The following ATP6V0D2 variants were observed in gnomAD, a reference collection of about 807,000 sequenced individuals.
ATP6V0D2 encodes the protein ATPase H+ transporting V0 subunit d2.
In ATP6V0D2, 40 loss-of-function variants were observed where a neutral mutation model predicts 40.0. That is an observed-to-expected ratio of 1.00 (90% CI 0.78 to 1.30). The LOEUF (loss-of-function observed/expected upper bound fraction) is 1.30. ATP6V0D2 is among the 50% of genes most tolerant of loss of function. ATP6V0D2 has a pLI of 0.00. For synonymous variants in ATP6V0D2, 179 were observed against 156.3 expected, an observed-to-expected ratio of 1.15 and a Z score of -1.08; for missense variants, 470 against 423.1, an observed-to-expected ratio of 1.11 and a Z score of -0.97.
chr8:86,152,765 A>G (rs1819174642), intron 7 of ATP6V0D2, 51 bp from the exon 8 acceptor site: 2 of 1,532,288 alleles, frequency 1.3e-6, no homozygotes, highest in African/African-American at 1.4e-5. Context: ...ATATTATTCC[A>G]TAATGTTCCA....
In ATP6V0D2 at chr8:86,101,364, G is replaced by A. The variant is rs537535747; in HGVS notation, c.130+2256G>A. On this transcript the variant is annotated intron_variant, in intron 1 of 7. Coordinates refer to ENST00000285393, the MANE Select transcript of ATP6V0D2 (RefSeq NM_152565.1). ...AGTCCCAGCTGCTTGGGAGGCTGTG[G>A]CAGGAGGATGGCTTGAGCCCAAAAG... 5.3e-5 allele frequency among the ~76,000 whole-genome samples: 8 copies of A among 150,702 alleles called. 1 individual carries two copies. The South Asian group carries it at 1.5e-3, about 28-fold the overall frequency.
At chr8:86,142,123 T>C (rs1318203876) in intron 4 of ATP6V0D2, among the ~76,000 whole-genome samples, 2 of 152,224 alleles carry the variant, frequency 1.3e-5, no homozygotes, top group African/African-American at 2.4e-5. Flanking sequence ...ATAGCCTCTT[T>C]GGACACTCAC....
At chr8:86,133,576 C>T (rs1818857373) in intron 2 of ATP6V0D2, among the ~76,000 whole-genome samples, 1 of 151,910 alleles carries the variant, frequency 6.6e-6, no homozygotes, top group African/African-American at 2.4e-5. Context: ...CCACCTCAGC[C>T]TCCCAAAGTG....
In ATP6V0D2 at chr8:86,119,058, A is replaced by G. The variant is rs1586090626; in HGVS notation, c.302+5178A>G. Among the ~76,000 whole-genome samples the G allele has an allele frequency of 2.0e-5, 3 of 152,218 alleles. No homozygotes were observed. The East Asian group carries it at 5.8e-4, about 29-fold the overall frequency. On this transcript the variant is annotated intron_variant, in intron 2 of 7. Transcript: ENST00000285393. ...CAGAGGGCAGCCCAATTTTATCTGA[A>G]TCAGAAAGCTGCCAGGGTTTGTACT...
chr8:86,115,414 G>C (rs1282407153), intron 2 of ATP6V0D2, among the ~76,000 whole-genome samples: 1 of 130,528 alleles, frequency 7.7e-6, no homozygotes, highest in Admixed American at 8.9e-5. Flanking sequence ...TGTCGCTCAG[G>C]CTGGAGTACA....
chr8:86,150,290 T>C lies in ATP6V0D2; in HGVS notation c.816+2T>C, dbSNP rs201137788. 84 of 1,611,198 alleles carry C rather than the reference T, an allele frequency of 5.2e-5. No individual in the cohort carries two copies. The highest frequency in any genetic ancestry group is 1.3e-5 in the African/African-American group (1 of 74,494). On this transcript the variant is annotated splice_donor_variant, in intron 6 of 7. Coordinates refer to ENST00000285393, the MANE Select transcript of ATP6V0D2 (RefSeq NM_152565.1). LOFTEE classifies it high-confidence loss of function. ...AAGAACGTAGCGGATCATTACGGAGTATGTGATGACACTGGCTTCCCTAAG... is the reference window on the plus strand; with the variant it reads ...AAGAACGTAGCGGATCATTACGGAGCATGTGATGACACTGGCTTCCCTAAG...
Position 86,118,085 on chromosome 8 carries a change from CTTT to C in ATP6V0D2, c.302+4221_302+4223del, listed in dbSNP as rs1222811419. Among the ~76,000 whole-genome samples, 41 of 27,622 alleles carry C rather than the reference CTTT, an allele frequency of 1.5e-3. 1 individual carries two copies. The highest frequency in any genetic ancestry group is 3.1e-3 in the African/African-American group (40 of 12,850). The allele number at this position is 27,622 out of a possible 152,430, so 18.1% of individuals were successfully genotyped here. ...TCCTTCCTTCCTTCTTTCTTTCTTT[CTTT>C]TTTTTTTTTTTTTTTGACGGAGTTT... is the stretch of plus-strand genomic sequence containing the variant. On this transcript the variant is annotated intron_variant, in intron 2 of 7. Coordinates refer to ENST00000285393, the MANE Select transcript of ATP6V0D2 (RefSeq NM_152565.1).
chr8:86,142,473 C>A (rs1450693897), intron 4 of ATP6V0D2, among the ~76,000 whole-genome samples: 1 of 152,180 alleles, frequency 6.6e-6, no homozygotes, highest in Non-Finnish European at 1.5e-5. Flanking sequence ...TCCCATATAG[C>A]TCCATGCTCA....
chr8:86,111,247 C>T (rs567498165), intron 1 of ATP6V0D2, among the ~76,000 whole-genome samples: 25 of 149,998 alleles, frequency 1.7e-4, no homozygotes, highest in African/African-American at 5.1e-4. Context: ...AGTACAGTGG[C>T]GAGATCATAG....
At chr8:86,102,350 A>G (rs1446637200) in intron 1 of ATP6V0D2, among the ~76,000 whole-genome samples, 1 of 152,198 alleles carries the variant, frequency 6.6e-6, no homozygotes, top group Non-Finnish European at 1.5e-5. Context: ...TTGGAATAGA[A>G]TCCTAAAGGC....
intron 1 of ATP6V0D2, among the ~76,000 whole-genome samples, chr8:86,107,267 A>G (rs564528951): frequency 2.0e-5 from 3 of 152,316 alleles, no homozygotes; most frequent in Non-Finnish European, 2.9e-5. Flanking sequence ...GATAAAACAA[A>G]TGAATTTAAA....
chr8:86,109,588 G>A (rs1373594023), intron 1 of ATP6V0D2, among the ~76,000 whole-genome samples: 1 of 152,110 alleles, frequency 6.6e-6, no homozygotes, highest in Admixed American at 6.6e-5. Flanking sequence ...TAGCTTGAAA[G>A]AAACATATGT....
At chr8:86,117,976 G>A (rs906262950) in intron 2 of ATP6V0D2, among the ~76,000 whole-genome samples, 1 of 151,548 alleles carries the variant, frequency 6.6e-6, no homozygotes, top group African/African-American at 2.4e-5. Flanking sequence ...TATCACATCA[G>A]AGTGTTTTTC....
At position 86,101,460 on chromosome 8, in the gene ATP6V0D2, A is replaced by AG. The variant is rs199761708; in HGVS notation, c.130+2354dup. Among the ~76,000 whole-genome samples, 16 of 92,542 alleles carry AG rather than the reference A, an allele frequency of 1.7e-4. 1 individual carries two copies. The highest frequency in any genetic ancestry group is 7.2e-4 in the African/African-American group (16 of 22,220). 60.7% of individuals were successfully genotyped at this position (92,542 alleles called of 152,430 possible). On this transcript the variant is annotated intron_variant, in intron 1 of 7. Coordinates refer to ENST00000285393, the MANE Select transcript of ATP6V0D2 (RefSeq NM_152565.1). ...GGGCGACAGAGTGAGACCCTGTCTC[A>AG]GGAAAAAAAAAAAAAAAAAAAAAAA...
rs759658436 is a variant in ATP6V0D2, at chr8:86,098,977, C to T, written c.-2C>T. ...CCTACCTTGGCTTCAATCTCTTCCC[C>T]CATGCTCGAAGGTGCGGAGCTGTAC... is the stretch of plus-strand genomic sequence containing the variant. On this transcript the variant is annotated 5_prime_UTR_variant, in exon 1 of 8. Transcript: ENST00000285393. 2 of 1,613,258 alleles carry T rather than the reference C, an allele frequency of 1.2e-6. No homozygotes were observed. The highest frequency in any genetic ancestry group is 1.3e-5 in the African/African-American group (1 of 74,878).
At position 86,145,305 on chromosome 8, in the gene ATP6V0D2, GAAAGAAAA is replaced by G. The variant is rs1563566276; in HGVS notation, c.639+2352_639+2359del. Among the ~76,000 whole-genome samples the G allele has an allele frequency of 2.9e-3, 252 of 88,286 alleles. 3 individuals carry two copies. Among genetic ancestry groups the G allele is most frequent in the South Asian group, 9.3e-3 (19 of 2,040 alleles). The allele number at this position is 88,286 out of a possible 152,430, so 57.9% of individuals were successfully genotyped here. The stretch of plus-strand genomic sequence containing the variant: ...AGAAAGAAAGAAAGAAAGAAAGAAA[GAAAGAAAA>G]GAAAGAAGGAAAGAAGGAAAGAAGG... On this transcript the variant is annotated intron_variant, in intron 5 of 7. Transcript: ENST00000285393.
At chr8:86,116,215 T>C (rs1428126212) in intron 2 of ATP6V0D2, among the ~76,000 whole-genome samples, 1 of 152,216 alleles carries the variant, frequency 6.6e-6, no homozygotes, top group African/African-American at 2.4e-5. Context: ...CACTTCTCAG[T>C]TTCTTATGTG....
At chr8:86,145,090 C>T (rs138687575) in intron 5 of ATP6V0D2, among the ~76,000 whole-genome samples, 1,859 of 150,742 alleles carry the variant, frequency 0.012, 135 homozygotes, top group Admixed American at 0.12. Context: ...GAAGGTTGAA[C>T]CTGGGAGGTG....
In ATP6V0D2 at chr8:86,108,748, T is replaced by C. The variant is rs1818500159; in HGVS notation, c.131-4961T>C. Among the ~76,000 whole-genome samples, 2 of 152,184 alleles carry C rather than the reference T, an allele frequency of 1.3e-5. 1 individual carries two copies. The highest frequency in any genetic ancestry group is 4.1e-4 in the South Asian group (2 of 4,834). On this transcript the variant is annotated intron_variant, in intron 1 of 7. Coordinates refer to ENST00000285393, the MANE Select transcript of ATP6V0D2 (RefSeq NM_152565.1). ...CACGCCCAGCCAAAAAGGAATTTTC[T>C]AAAAATAGTCTGCCAACAAATTAGT... is the stretch of plus-strand genomic sequence containing the variant.
Sources: gnomAD v4.1 joint callset for allele counts (sites outside exome capture counted in the v4.1 genomes callset) on GRCh38, gnomAD v4.1.1 for gene constraint, MANE v1.5 for transcripts, NCBI Gene and HGNC (gene_info 2026-07-23, HGNC 2026-07-21) for gene names.